KCNIP4: variants seen among roughly 807,000 people sequenced by gnomAD.
KCNIP4 encodes potassium voltage-gated channel interacting protein 4.
KCNIP4 carries 12 observed loss-of-function variants against 34.0 expected under a neutral mutation model. That is an observed-to-expected ratio of 0.35 (90% CI 0.23 to 0.57). KCNIP4 has a LOEUF of 0.57. Ranked by LOEUF, KCNIP4 falls within the 20% of genes least tolerant of loss-of-function variation. KCNIP4 has a pLI of 0.83. For synonymous variants in KCNIP4, 124 were observed against 102.2 expected, an observed-to-expected ratio of 1.21 and a Z score of -1.29; for missense variants, 238 against 311.7, an observed-to-expected ratio of 0.76 and a Z score of 1.78.
intron 1 of KCNIP4, among the ~76,000 whole-genome samples, chr4:21,312,237 GA>G (rs1713263485): frequency 6.6e-6 from 1 of 152,154 alleles, no homozygotes; most frequent in Non-Finnish European, 1.5e-5. Flanking sequence ...TGGCAAGAGA[GA>G]ACAGAGAACT....
Position 21,036,853 on chromosome 4 carries a change from A to G in KCNIP4, c.62-154144T>C, listed in dbSNP as rs192942342. Among the ~76,000 whole-genome samples, 372 of 152,386 alleles carry G rather than the reference A, an allele frequency of 2.4e-3. 1 individual carries two copies. Among genetic ancestry groups the G allele is most frequent in the Non-Finnish European group, 3.3e-3 (222 of 68,046 alleles). ...AGACCACATGTATGATGATGGTCCCATAAGATTATAATTAAACTAAAAATT... is the reference window on the plus strand; with the variant it reads ...AGACCACATGTATGATGATGGTCCCGTAAGATTATAATTAAACTAAAAATT... On this transcript the variant is annotated intron_variant, in intron 1 of 8. Transcript: ENST00000382152.
At chr4:21,610,749 A>G (rs111594984) in intron 1 of KCNIP4, among the ~76,000 whole-genome samples, 1 of 152,072 alleles carries the variant, frequency 6.6e-6, no homozygotes, top group African/African-American at 2.4e-5. Flanking sequence ...GGTTTAATTG[A>G]CTCACTTTTC....
chr4:21,676,939 T>A (rs1749955845), intron 1 of KCNIP4, among the ~76,000 whole-genome samples: 1 of 151,572 alleles, frequency 6.6e-6, no homozygotes, highest in Admixed American at 6.6e-5. Context: ...GAGTTATAAC[T>A]GAGATTGTCT....
intron 1 of KCNIP4, among the ~76,000 whole-genome samples, chr4:21,745,844 A>G (rs1252590650): frequency 1.3e-5 from 2 of 152,200 alleles, no homozygotes; most frequent in Non-Finnish European, 2.9e-5. Flanking sequence ...ATATAACAAG[A>G]GCATGTATAG....
chr4:21,043,823 G>A lies in KCNIP4; in HGVS notation c.62-161114C>T, dbSNP rs934247895. On this transcript the variant is annotated intron_variant, in intron 1 of 8. Coordinates refer to ENST00000382152, the MANE Select transcript of KCNIP4 (RefSeq NM_025221.6). ...GTCACTTAATCCTCATATGATGTGA[G>A]GAAGCTGAAGCATGAAAGAGGAAAC... is the stretch of plus-strand genomic sequence containing the variant. Among the ~76,000 whole-genome samples the A allele has an allele frequency of 2.6e-5, 4 of 152,114 alleles. 1 individual carries two copies. Among genetic ancestry groups the A allele is most frequent in the South Asian group, 4.1e-4 (2 of 4,822 alleles).
chr4:21,643,454 T>C (rs1397502878), intron 1 of KCNIP4, among the ~76,000 whole-genome samples: 1 of 152,174 alleles, frequency 6.6e-6, no homozygotes, highest in East Asian at 1.9e-4. Context: ...TGGTTTAAGA[T>C]GTATATGAGT....
At position 21,683,446 on chromosome 4, in the gene KCNIP4, A is replaced by ATTTTTTTTTTT. The variant is rs71191533; in HGVS notation, c.61+265114_61+265124dup. ...TACGACTAATGATTGGTGAAGCCAG[A>ATTTTTTTTTTT]TTTTTTTTTTTTTTTTTTTTTTTTT... On this transcript the variant is annotated intron_variant, in intron 1 of 8. Transcript: ENST00000382152. Among the ~76,000 whole-genome samples, 24 of 46,616 alleles carry ATTTTTTTTTTT rather than the reference A, an allele frequency of 5.1e-4. 6 individuals are homozygous for ATTTTTTTTTTT. The highest frequency in any genetic ancestry group is 0.014 in the Middle Eastern group (1 of 70). The allele number at this position is 46,616 out of a possible 152,430, so 30.6% of individuals were successfully genotyped here.
intron 1 of KCNIP4, among the ~76,000 whole-genome samples, chr4:21,644,927 G>A (rs1362521513): frequency 6.6e-6 from 1 of 152,042 alleles, no homozygotes; most frequent in Non-Finnish European, 1.5e-5. Flanking sequence ...GTTATTGTTT[G>A]CAAATAAATA....
At chr4:21,045,663 C>A (rs768987600) in intron 1 of KCNIP4, among the ~76,000 whole-genome samples, 3 of 152,052 alleles carry the variant, frequency 2.0e-5, no homozygotes, top group Non-Finnish European at 2.9e-5. Flanking sequence ...ACTCTTAGCA[C>A]GGCTGATACA....
At chr4:20,764,739 C>T (rs571836854) in intron 3 of KCNIP4, among the ~76,000 whole-genome samples, 1 of 151,004 alleles carries the variant, frequency 6.6e-6, no homozygotes, top group African/African-American at 2.4e-5. Flanking sequence ...TAATTTGCTT[C>T]CCTCATGAAT....
At chr4:21,395,928 C>G (rs1288928177) in intron 1 of KCNIP4, among the ~76,000 whole-genome samples, 1 of 151,986 alleles carries the variant, frequency 6.6e-6, no homozygotes, top group East Asian at 1.9e-4. Context: ...AAATTGATCT[C>G]AAATAGAAAA....
At chr4:20,939,971 C>T (rs978339203) in intron 1 of KCNIP4, among the ~76,000 whole-genome samples, 4 of 152,188 alleles carry the variant, frequency 2.6e-5, no homozygotes, top group African/African-American at 9.6e-5. Flanking sequence ...ATGTAAACTC[C>T]TAAGCAATGC....
At chr4:20,732,866 A>T in intron 6 of KCNIP4, 81 bp from the exon 7 acceptor site, 2 of 837,664 alleles carry the variant, frequency 2.4e-6, no homozygotes, top group Non-Finnish European at 3.8e-6. Context: ...GATTTTTCCT[A>T]CTCAATTTTA....
chr4:21,638,820 A>G (rs1471433302), intron 1 of KCNIP4, among the ~76,000 whole-genome samples: 1 of 152,202 alleles, frequency 6.6e-6, no homozygotes, highest in Non-Finnish European at 1.5e-5. Flanking sequence ...GTCTTGAAAG[A>G]TGGCTCCTCA....
At chr4:21,296,641 G>C (rs977938349) in intron 1 of KCNIP4, among the ~76,000 whole-genome samples, 3 of 151,736 alleles carry the variant, frequency 2.0e-5, no homozygotes, top group African/African-American at 7.3e-5. Context: ...TTCCAGCTGG[G>C]ATTATTATTA....
intron 1 of KCNIP4, among the ~76,000 whole-genome samples, chr4:21,721,845 A>G (rs1372398256): frequency 6.6e-6 from 1 of 150,454 alleles, no homozygotes; most frequent in African/African-American, 2.5e-5. Flanking sequence ...ACACCAACAT[A>G]AAATCATCCT....
intron 1 of KCNIP4, among the ~76,000 whole-genome samples, chr4:21,115,947 T>C (rs1023387130): frequency 2.6e-5 from 4 of 152,208 alleles, no homozygotes; most frequent in African/African-American, 9.6e-5. Context: ...GACCAATCCA[T>C]TTGCTAAAGC....
At chr4:20,843,178 G>A (rs1351916690) in intron 3 of KCNIP4, among the ~76,000 whole-genome samples, 1 of 152,106 alleles carries the variant, frequency 6.6e-6, no homozygotes, top group African/African-American at 2.4e-5. Context: ...AAAGTGCTAG[G>A]ATTTCAGGAA....
chr4:20,755,547 A>G (rs1754334720), intron 4 of KCNIP4, among the ~76,000 whole-genome samples: 1 of 152,188 alleles, frequency 6.6e-6, no homozygotes, highest in South Asian at 2.1e-4. Flanking sequence ...AAGTGGAGAA[A>G]TCCTCTGTTC....
Sources: gnomAD v4.1 joint callset for allele counts (sites outside exome capture counted in the v4.1 genomes callset) on GRCh38, gnomAD v4.1.1 for gene constraint, MANE v1.5 for transcripts, NCBI Gene and HGNC (gene_info 2026-07-23, HGNC 2026-07-21) for gene names.